Variants in EVPL observed in about 807,000 individuals in gnomAD.
The protein encoded by EVPL is envoplakin.
In EVPL, 94 loss-of-function variants were observed where a neutral mutation model predicts 129.7. The ratio of observed to expected loss-of-function variants is 0.72; its 90% CI spans 0.61 to 0.86. The LOEUF is 0.86. EVPL is among the 40% of genes least tolerant of loss of function. The probability of loss-of-function intolerance (pLI) is 0.00; values close to 1 mark genes in which losing one functional copy is unlikely to be tolerated. For synonymous variants in EVPL, 1,172 were observed against 1,191.1 expected (o/e 0.98, Z 0.33); for missense variants, 2,625 against 2,721.1 (o/e 0.96, Z 0.79).
Position 76,011,854 on chromosome 17 carries a change from C to G in EVPL, c.2486G>C (p.Arg829Pro). 6.2e-7 allele frequency: 1 copy of G among 1,613,388 alleles called. No homozygotes were observed. Among genetic ancestry groups the G allele is most frequent in the East Asian group, 2.2e-5 (1 of 44,862 alleles). The change falls in exon 20 of 22, where the codon CGC (arginine) becomes CCC (proline). Residue 829 changes from arginine (R) to proline (P), a missense_variant. By Grantham distance (103) the Arg-to-Pro change is moderately radical (BLOSUM62 -2). This residue lies in a region of EVPL where 1,024 missense variants were observed against 997.5 expected (regional missense o/e 1.03). Coordinates refer to ENST00000301607, the MANE Select transcript of EVPL (RefSeq NM_001988.4). ...QDYELQADTY[R>P]CSLEPTLAVS... The stretch of plus-strand genomic sequence containing the variant: ...TGCCAGGGTGGGCTCCAAAGAGCAG[C>G]GGTAGGTGTCTGCCTGGAGCTCATA...
rs2066329000 is a variant in EVPL at position 76,007,544 on chromosome 17, C to CA, written c.5660dup (p.Ile1888AspfsTer11). 1 of 1,614,006 alleles carries CA rather than the reference C, an allele frequency of 6.2e-7. No individual in the cohort carries two copies. Among genetic ancestry groups the CA allele is most frequent in the Non-Finnish European group, 8.5e-7 (1 of 1,180,030 alleles). On this transcript the variant is annotated frameshift_variant, in exon 22 of 22. Transcript: ENST00000301607. LOFTEE classifies it low-confidence loss of function (END_TRUNC). The surrounding 1 kb of genome is among the most constrained non-coding windows in gnomAD (Gnocchi z 8.8). ...GCCTCTGTGTGGAGGTGTTCTCGAT[C>CA]AGGCCCCTCTCCATCGCCTTGTGCA...
intron 1 of EVPL, among the ~76,000 whole-genome samples, chr17:76,026,044 T>G (rs1227683490): frequency 6.8e-6 from 1 of 147,846 alleles, no homozygotes; most frequent in Non-Finnish European, 1.5e-5. Flanking sequence ...CGGGCTCAAG[T>G]GATCCTCTCA....
rs1421427553 is a variant in EVPL, at chr17:76,009,257, C to T, written c.3948G>A (p.Glu1316=). The part of the protein sequence containing the change: ...AKVETKTVSK[E]VVRHEKDPVL... ...CCGGGTCCTTCTCGTGGCGCACCAC[C>T]TCCTTGCTCACCGTCTTGGTCTCCA... Residue 1316 remains glutamate, a synonymous_variant, in exon 22 of 22, where the codon GAG becomes GAA. Coordinates refer to ENST00000301607, the MANE Select transcript of EVPL (RefSeq NM_001988.4). The surrounding 1 kb of genome is among the most constrained non-coding windows in gnomAD (Gnocchi z 5.9). The T allele has an allele frequency of 6.8e-6, 11 of 1,607,634 alleles. No homozygotes were observed. The highest frequency in any genetic ancestry group is 1.3e-5 in the African/African-American group (1 of 74,936).
Position 76,006,860 on chromosome 17 carries a change from A to C in EVPL, c.*243T>G. The C allele has an allele frequency of 2.6e-6, 1 of 386,610 alleles. No individual in the cohort carries two copies. The highest frequency in any genetic ancestry group is 3.8e-5 in the East Asian group (1 of 26,056). The allele number at this position is 386,610 out of a possible 1,614,324, so 23.9% of individuals were successfully genotyped here. On this transcript the variant is annotated 3_prime_UTR_variant, in exon 22 of 22. Coordinates refer to ENST00000301607, the MANE Select transcript of EVPL (RefSeq NM_001988.4). ...ACACCACATGGCACGGGGAGACAGAATTCGTTTATTGGGATCACTGGGTGG... is the reference window on the plus strand; with the variant it reads ...ACACCACATGGCACGGGGAGACAGACTTCGTTTATTGGGATCACTGGGTGG...
At chr17:76,026,235 C>A (rs533266262) in intron 1 of EVPL, among the ~76,000 whole-genome samples, 2 of 137,646 alleles carry the variant, frequency 1.5e-5, no homozygotes, top group Non-Finnish European at 3.1e-5. Context: ...TGAGGTATTG[C>A]GCCAGGATTT....
At position 76,027,277 on chromosome 17, in the gene EVPL, G is replaced by T; in HGVS notation, c.-79C>A. ...GGAGGGCAGGTGGGAGGCAGCGGGC[G>T]TCCTCACTGGCTGGTCAGCTAAGTC... On this transcript the variant is annotated 5_prime_UTR_variant, in exon 1 of 22. Transcript: ENST00000301607. 9.8e-7 allele frequency: 1 copy of T among 1,015,344 alleles called. No individual in the cohort carries two copies. Among genetic ancestry groups the T allele is most frequent in the Non-Finnish European group, 1.6e-6 (1 of 645,158 alleles). The allele number at this position is 1,015,344 out of a possible 1,614,324, so 62.9% of individuals were successfully genotyped here. A position where few individuals can be genotyped will look rare whatever the true frequency, so the allele number is the denominator to read the frequency against.
In EVPL at chr17:76,022,256, C is replaced by T. The variant is rs774621503; in HGVS notation, c.607-29G>A. ...CCTCGACCAAGGGGAGAAACAAGCC[C>T]GTGAGAGGTGGGGTGCAGGGAGACG... On this transcript the variant is annotated intron_variant, in intron 5 of 21. Coordinates refer to ENST00000301607, the MANE Select transcript of EVPL (RefSeq NM_001988.4). The surrounding 1 kb of genome is among the most constrained non-coding windows in gnomAD (Gnocchi z 5.6). 22 of 1,612,432 alleles carry T rather than the reference C, an allele frequency of 1.4e-5. No homozygotes were observed. The highest frequency in any genetic ancestry group is 7.6e-6 in the Non-Finnish European group (9 of 1,179,656).
intron 11 of EVPL, 102 bp downstream of exon 11, chr17:76,018,812 C>G (rs984857793): frequency 1.5e-6 from 2 of 1,364,262 alleles, no homozygotes; most frequent in Non-Finnish European, 1.9e-6. Flanking sequence ...AAAGTGGGCG[C>G]AGGAGACAGC....
intron 1 of EVPL, among the ~76,000 whole-genome samples, chr17:76,025,763 A>G (rs2066494210): frequency 6.6e-6 from 1 of 152,232 alleles, no homozygotes; most frequent in Non-Finnish European, 1.5e-5. Flanking sequence ...CCCTGAGGTC[A>G]TCTCGACACC....
Position 76,008,524 on chromosome 17 carries a change from G to A in EVPL, c.4681C>T (p.Arg1561Trp), listed in dbSNP as rs535957560. Reference sequence around the variant, plus strand: ...GTCTCGGCCCGGTCAATGCGCTCCCGCAGGCGCCGTGCCTCCTCCTCCCGG... The same window carrying A: ...GTCTCGGCCCGGTCAATGCGCTCCCACAGGCGCCGTGCCTCCTCCTCCCGG... ...QAREEEARRL[R>W]ERIDRAETLG... Residue 1561 changes from arginine to tryptophan, a missense_variant, in exon 22 of 22, where the codon CGG becomes TGG. Physicochemically the swap from Arg to Trp is moderately radical, Grantham distance 101. Coordinates refer to ENST00000301607, the MANE Select transcript of EVPL (RefSeq NM_001988.4). The surrounding 1 kb of genome is among the most constrained non-coding windows in gnomAD (Gnocchi z 7.4). 5 of 1,606,170 alleles carry A rather than the reference G, an allele frequency of 3.1e-6. No homozygotes were observed. The African/African-American group carries it at 5.3e-5, about 17-fold the overall frequency.
intron 9 of EVPL, among the ~76,000 whole-genome samples, chr17:76,020,208 A>G (rs982110504): frequency 1.3e-5 from 2 of 152,234 alleles, no homozygotes; most frequent in Admixed American, 1.3e-4. Flanking sequence ...AGCTAAACCT[A>G]AACTGTCACT....
At chr17:76,021,601 C>CCG (rs753158877) in intron 8 of EVPL, 38 bp from the exon 9 acceptor site, 4 of 1,448,892 alleles carry the variant, frequency 2.8e-6, no homozygotes, top group African/African-American at 2.1e-5. Context: ...ACCACGCCCC[C>CCG]CCCACGTCCG....
rs1287454564 is a variant in EVPL, at chr17:76,009,878, C to T, written c.3327G>A (p.Ala1109=). 15 of 1,614,020 alleles carry T rather than the reference C, an allele frequency of 9.3e-6. No homozygotes were observed. Among genetic ancestry groups the T allele is most frequent in the Admixed American group, 1.7e-5 (1 of 60,012 alleles). The change falls in exon 22 of 22, where the codon GCG becomes GCA. Residue 1109 remains alanine (A), a synonymous_variant. Transcript: ENST00000301607. The surrounding 1 kb of genome is among the most constrained non-coding windows in gnomAD (Gnocchi z 5.9). The stretch of plus-strand genomic sequence containing the variant: ...CCTGTAGCTTGGCCACAGCCTCCTC[C>T]GCCTGCTTCCTCCGCGCAGCATCCT... ...MEEDAARRKQ[A]EEAVAKLQAR...
chr17:76,009,371 G>C lies in EVPL; in HGVS notation c.3834C>G (p.Asn1278Lys). ...REIDRLKAQL[N>K]ELVNSHGRSQ... ...AGCGCCCGTGGCTGTTGACGAGCTC[G>C]TTGAGCTGAGCCTTCAGGCGGTCGA... The change falls in exon 22 of 22, where the codon AAC becomes AAG. Residue 1278 changes from asparagine (N) to lysine (K), a missense_variant. Physicochemically the swap from Asn to Lys is moderately conservative, Grantham distance 94. Coordinates refer to ENST00000301607, the MANE Select transcript of EVPL (RefSeq NM_001988.4). The surrounding 1 kb of genome is among the most constrained non-coding windows in gnomAD (Gnocchi z 5.9). 6.2e-7 allele frequency: 1 copy of C among 1,613,746 alleles called. No individual in the cohort carries two copies. The highest frequency in any genetic ancestry group is 8.5e-7 in the Non-Finnish European group (1 of 1,180,006).
At position 76,027,238 on chromosome 17, in the gene EVPL, G is replaced by A. The variant is rs1487137495; in HGVS notation, c.-40C>T. On this transcript the variant is annotated 5_prime_UTR_variant, in exon 1 of 22. Transcript: ENST00000301607. The stretch of plus-strand genomic sequence containing the variant: ...GTGCTGGCTCAGGCTGGGCTTGGCT[G>A]GCGAAAGACGGCAGGAGGGCAGGTG... 1 of 1,458,612 alleles carries A rather than the reference G, an allele frequency of 6.9e-7. No individual in the cohort carries two copies. The highest frequency in any genetic ancestry group is 1.4e-5 in the African/African-American group (1 of 71,602). The allele number at this position is 1,458,612 out of a possible 1,614,324, so 90.4% of individuals were successfully genotyped here.
rs139093656 is a variant in EVPL at position 76,010,493 on chromosome 17, G to C, written c.2712C>G (p.Ser904=). 1.9e-6 allele frequency: 3 copies of C among 1,613,648 alleles called. No individual in the cohort carries two copies. Among genetic ancestry groups the C allele is most frequent in the South Asian group, 1.1e-5 (1 of 91,068 alleles). ...IRRTHDAKQG[S]ESPAQAGRES... is the part of the protein sequence containing the mutation. Reference sequence around the variant, plus strand: ...CTCTCCCTGCTTGGGCAGGGCTCTCGGAGCCCTGCTTTGCATCATGGGTCC... The same window carrying C: ...CTCTCCCTGCTTGGGCAGGGCTCTCCGAGCCCTGCTTTGCATCATGGGTCC... The change falls in exon 22 of 22, where the codon TCC becomes TCG. Residue 904 remains serine (S), a synonymous_variant. Transcript: ENST00000301607.
In EVPL at chr17:76,022,207, G is replaced by T. The variant is rs1432309065; in HGVS notation, c.627C>A (p.Ser209Arg). ...TGCTCACCAGTAGGTCTCGGTATTG[G>T]CTCCGGATGGTGGCTGCATCCTGCC... ...LVGPDAATIR[S>R]QYRDLLKAAS... The change falls in exon 6 of 22, where the codon AGC becomes AGA. Residue 209 changes from serine (S) to arginine (R), a missense_variant. Transcript: ENST00000301607. The surrounding 1 kb of genome is among the most constrained non-coding windows in gnomAD (Gnocchi z 5.6). The T allele has an allele frequency of 6.2e-7, 1 of 1,613,202 alleles. No individual in the cohort carries two copies. Among genetic ancestry groups the T allele is most frequent in the South Asian group, 1.1e-5 (1 of 91,066 alleles).
chr17:76,022,688 C>T lies in EVPL; in HGVS notation c.481-150G>A, dbSNP rs1165309195. The T allele has an allele frequency of 2.7e-6, 3 of 1,111,846 alleles. No individual in the cohort carries two copies. The highest frequency in any genetic ancestry group is 3.7e-6 in the Non-Finnish European group (3 of 803,064). The allele number at this position is 1,111,846 out of a possible 1,614,324, so 68.9% of individuals were successfully genotyped here. A position where few individuals can be genotyped will look rare whatever the true frequency, so the allele number is the denominator to read the frequency against. On this transcript the variant is annotated intron_variant, in intron 4 of 21. Transcript: ENST00000301607. The surrounding 1 kb of genome is among the most constrained non-coding windows in gnomAD (Gnocchi z 5.6). ...GCCCGGGTGCATGCCCTGCAGCTCCCCCAGGGGCGAGGCCATTCTGCAGTG... is the reference window on the plus strand; with the variant it reads ...GCCCGGGTGCATGCCCTGCAGCTCCTCCAGGGGCGAGGCCATTCTGCAGTG...
Position 76,007,883 on chromosome 17 carries a change from G to C in EVPL, c.5322C>G (p.Ser1774=), listed in dbSNP as rs755483105. ...CCCCAGCTACAAGCAGCGCAAACTC[G>C]GAGATGGGCAGGTGGCCGTCCTTGT... ...HLYKDGHLPI[S]EFALLVAGET... The change falls in exon 22 of 22, where the codon TCC becomes TCG. Residue 1774 remains serine, a synonymous_variant. Transcript: ENST00000301607. This position sits in a 1 kb window ranked among gnomAD's most constrained non-coding sequence, Gnocchi z 8.8. The C allele has an allele frequency of 1.9e-6, 3 of 1,613,980 alleles. No homozygotes were observed. The highest frequency in any genetic ancestry group is 8.5e-7 in the Non-Finnish European group (1 of 1,179,962).
Sources: allele counts gnomAD v4.1 joint callset (sites outside exome capture counted in the v4.1 genomes callset), GRCh38; gene constraint gnomAD v4.1.1; regional missense constraint gnomAD v4.1.1; non-coding constraint Gnocchi (gnomAD v3.1); transcripts MANE v1.5; gene names NCBI Gene and HGNC (gene_info 2026-07-23, HGNC 2026-07-21).